The following BRD10 variants were observed in gnomAD, a reference collection of about 807,000 sequenced individuals.
BRD10 encodes uncharacterized bromodomain-containing protein 10.
At chr9:5,989,180 C>T in the BRD10 span, among the ~76,000 whole-genome samples, 6 of 140,654 alleles carry the variant, frequency 4.3e-5, no homozygotes, top group Non-Finnish European at 9.1e-5. Context: ...TGTGGTGAGC[C>T]GAGATCACAT....
the BRD10 span, chr9:5,892,637 G>A: frequency 2.0e-5 from 21 of 1,051,626 alleles, no homozygotes; most frequent in Admixed American, 6.7e-5. Context: ...ATGCCTGCTC[G>A]TAAATCTCCC....
the BRD10 span, among the ~76,000 whole-genome samples, chr9:5,935,532 A>G: frequency 6.6e-6 from 1 of 152,178 alleles, no homozygotes; most frequent in African/African-American, 2.4e-5. Context: ...GAAATTAACC[A>G]CTGGTTGAGT....
chr9:5,937,193 C>T, the BRD10 span, among the ~76,000 whole-genome samples: 2 of 148,024 alleles, frequency 1.4e-5, no homozygotes, highest in Non-Finnish European at 3.0e-5. Context: ...CATGCCACTA[C>T]ACTCTAGCCT....
At chr9:5,993,633 A>G in the BRD10 span, among the ~76,000 whole-genome samples, 10 of 152,188 alleles carry the variant, frequency 6.6e-5, no homozygotes, top group African/African-American at 9.6e-5. Flanking sequence ...GGAGAAGGCC[A>G]TAACGATGGA....
chr9:5,953,245 G>C, the BRD10 span, among the ~76,000 whole-genome samples: 1 of 151,828 alleles, frequency 6.6e-6, no homozygotes, highest in African/African-American at 2.4e-5. Context: ...TTTATCTTTT[G>C]GTCATTAGGT....
the BRD10 span, among the ~76,000 whole-genome samples, chr9:5,882,941 C>T: frequency 6.6e-6 from 1 of 152,120 alleles, no homozygotes; most frequent in Admixed American, 6.5e-5. Context: ...TTCTCACTCA[C>T]AGGTGGGAAT....
chr9:5,880,762 T>G, the BRD10 span, among the ~76,000 whole-genome samples: 1 of 150,466 alleles, frequency 6.6e-6, no homozygotes, highest in Non-Finnish European at 1.5e-5. Flanking sequence ...TGGAGTGCAG[T>G]GGTGCCATCT....
the BRD10 span, among the ~76,000 whole-genome samples, chr9:5,925,057 T>A: frequency 6.6e-6 from 1 of 152,026 alleles, no homozygotes. Flanking sequence ...AACTTGAAAC[T>A]TAAAAAATTA....
chr9:6,001,857 T>C, the BRD10 span, among the ~76,000 whole-genome samples: 1 of 152,196 alleles, frequency 6.6e-6, no homozygotes, highest in South Asian at 2.1e-4. Flanking sequence ...CCTTGGAACA[T>C]GGTCATTCAT....
the BRD10 span, among the ~76,000 whole-genome samples, chr9:5,977,652 G>A: frequency 2.6e-5 from 4 of 152,084 alleles, no homozygotes; most frequent in Admixed American, 1.3e-4. Flanking sequence ...TCGAGACCAC[G>A]GTGAAATCCC....
the BRD10 span, chr9:5,967,907 G>A: frequency 5.1e-5 from 34 of 660,488 alleles, no homozygotes; most frequent in South Asian, 8.2e-5. Flanking sequence ...AAATATACAC[G>A]CATGCATACA....
chr9:5,942,127 T>C, the BRD10 span, among the ~76,000 whole-genome samples: 1 of 152,164 alleles, frequency 6.6e-6, no homozygotes, highest in African/African-American at 2.4e-5. Flanking sequence ...ATACTTAGTT[T>C]TGACAGTGAA....
the BRD10 span, among the ~76,000 whole-genome samples, chr9:5,981,628 C>A: frequency 6.6e-6 from 1 of 151,436 alleles, no homozygotes; most frequent in Non-Finnish European, 1.5e-5. Flanking sequence ...TATCTTCTAT[C>A]TATCTATCTA....
chr9:5,954,141 CTTCA>C, the BRD10 span: 1 of 1,062,234 alleles, frequency 9.4e-7, no homozygotes. Flanking sequence ...GTTTATAGCA[CTTCA>C]TTAACAAAAA....
the BRD10 span, among the ~76,000 whole-genome samples, chr9:5,985,012 C>G: frequency 6.6e-6 from 1 of 151,072 alleles, no homozygotes; most frequent in Non-Finnish European, 1.5e-5. Flanking sequence ...AATTTCAAGA[C>G]TTACTGTAAA....
At chr9:5,881,631 G>A in the BRD10 span, 1 of 152,192 alleles carries the variant, frequency 6.6e-6, no homozygotes. Flanking sequence ...CAGTGAGTAA[G>A]CCCTTTCTTG....
chr9:5,915,592 G>T, the BRD10 span, among the ~76,000 whole-genome samples: 1 of 152,020 alleles, frequency 6.6e-6, no homozygotes, highest in East Asian at 1.9e-4. Context: ...TTCCCTACAT[G>T]CTCCTTGGGC....
the BRD10 span, chr9:5,920,946 CACTG>C: frequency 6.2e-7 from 1 of 1,613,904 alleles, no homozygotes; most frequent in South Asian, 1.1e-5. Flanking sequence ...GTATCATTTC[CACTG>C]ACTAAAACAG....
At chr9:5,996,244 T>A in the BRD10 span, among the ~76,000 whole-genome samples, 2 of 152,128 alleles carry the variant, frequency 1.3e-5, no homozygotes, top group Admixed American at 6.5e-5. Context: ...ATTATTCATT[T>A]CTGCAACAGC....
Sources: gnomAD v4.1 joint callset for allele counts (sites outside exome capture counted in the v4.1 genomes callset) on GRCh38, gnomAD v4.1.1 for gene constraint, MANE v1.5 for transcripts, NCBI Gene and HGNC (gene_info 2026-07-23, HGNC 2026-07-21) for gene names.